Variants in SMG5 observed in about 807,000 individuals in gnomAD.
SMG5 encodes the protein nonsense-mediated mRNA decay factor SMG5.
SMG5 carries 53 observed loss-of-function variants against 122.9 expected under a neutral mutation model. The ratio of observed to expected loss-of-function variants is 0.43; its 90% CI spans 0.35 to 0.54. The LOEUF (loss-of-function observed/expected upper bound fraction) is 0.54, where lower values mean the gene tolerates loss of function less well. Among genes scored for constraint, SMG5 ranks in the 20% least tolerant of loss-of-function variants. SMG5 has a pLI of 0.01. For missense variants in SMG5, 1,153 were observed against 1,285.6 expected, an observed-to-expected ratio of 0.90 and a Z score of 1.58; for synonymous variants, 477 against 490.2, an observed-to-expected ratio of 0.97 and a Z score of 0.35.
intron 12 of SMG5, among the ~76,000 whole-genome samples, chr1:156,265,382 T>C (rs1483603931): frequency 1.3e-5 from 2 of 152,100 alleles, no homozygotes; most frequent in Non-Finnish European, 2.9e-5. Flanking sequence ...GGGTACTCTG[T>C]TTGCAGGGAA....
intron 16 of SMG5, among the ~76,000 whole-genome samples, chr1:156,254,534 C>T (rs978826990): frequency 1.1e-4 from 16 of 152,156 alleles, no homozygotes; most frequent in African/African-American, 3.9e-4. Flanking sequence ...ACCTCTGCCT[C>T]CCGGGCTCAA....
At chr1:156,278,120 G>C in intron 2 of SMG5, 72 bp from the exon 3 acceptor site, 1 of 1,572,106 alleles carries the variant, frequency 6.4e-7, no homozygotes, top group Non-Finnish European at 8.6e-7. Context: ...TGAGGGCAAG[G>C]AGTCATGTGC....
chr1:156,291,301 T>C, the SMG5 span: 1 of 1,296,608 alleles, frequency 7.7e-7, no homozygotes, highest in Non-Finnish European at 1.1e-6. Context: ...GCCTCCCCTA[T>C]CTACTCCCCC....
chr1:156,275,601 T>C (rs1319367397), intron 4 of SMG5, among the ~76,000 whole-genome samples: 3 of 152,230 alleles, frequency 2.0e-5, no homozygotes, highest in African/African-American at 7.2e-5. Flanking sequence ...CTCACTCAGA[T>C]GGGTTGCTTC....
At chr1:156,251,779 C>G (rs578049509) in intron 19 of SMG5, among the ~76,000 whole-genome samples, 16 of 152,326 alleles carry the variant, frequency 1.1e-4, no homozygotes, top group African/African-American at 3.8e-4. Flanking sequence ...AGACCTTGTG[C>G]AGCTTCCTGG....
At chr1:156,286,109 C>T, upstream of SMG5, 1 of 1,420,998 alleles carries the variant, frequency 7.0e-7, no homozygotes, top group Non-Finnish European at 9.6e-7. Context: ...CCACCCCCTG[C>T]CAGTCTGCAT....
In SMG5 at chr1:156,259,165, TGTGGGGAGATA is replaced by T; in HGVS notation, c.2284-13_2284-3del. 6.4e-7 allele frequency: 1 copy of T among 1,565,926 alleles called. No individual in the cohort carries two copies. Among genetic ancestry groups the T allele is most frequent in the Admixed American group, 1.8e-5 (1 of 54,666 alleles). ...GATGCAGCAGATGCGCACCACTGAC[TGTGGGGAGATA>T]CAGGAGCCCAGCGCTGCTGAGCAGG... On this transcript the variant is annotated splice_region_variant and splice_polypyrimidine_tract_variant and intron_variant, in intron 15 of 21. Coordinates refer to ENST00000361813, the MANE Select transcript of SMG5 (RefSeq NM_015327.3).
intron 14 of SMG5, among the ~76,000 whole-genome samples, chr1:156,260,895 G>C (rs1661794643): frequency 6.6e-6 from 1 of 152,244 alleles, no homozygotes; most frequent in Non-Finnish European, 1.5e-5. Context: ...GGATGGAAAT[G>C]AGAGGAGGCG....
chr1:156,289,408 A>G, the SMG5 span, among the ~76,000 whole-genome samples: 1 of 152,196 alleles, frequency 6.6e-6, no homozygotes, highest in African/African-American at 2.4e-5. Context: ...GGAGATCGAG[A>G]CCATCCTGGC....
intron 18 of SMG5, among the ~76,000 whole-genome samples, 175 bp downstream of exon 18, chr1:156,252,744 G>A (rs1460607453): frequency 2.0e-5 from 3 of 152,204 alleles, no homozygotes; most frequent in African/African-American, 7.2e-5. Context: ...CAACTGTCTT[G>A]TAAGGCAGAA....
At chr1:156,283,279 C>T (rs1176287398), upstream of SMG5, among the ~76,000 whole-genome samples, 1 of 152,214 alleles carries the variant, frequency 6.6e-6, no homozygotes, top group East Asian at 1.9e-4. Flanking sequence ...AGGAGTAAAG[C>T]CCCGGAAGAA....
In SMG5 at chr1:156,252,916, T is replaced by TA. The variant is rs1661415120; in HGVS notation, c.2662+2dup. 1 of 1,597,194 alleles carries TA rather than the reference T, an allele frequency of 6.3e-7. No homozygotes were observed. Among genetic ancestry groups the TA allele is most frequent in the African/African-American group, 1.3e-5 (1 of 74,692 alleles). ...TGTCTCCTTACCTCTCCAATGTACT[T>TA]ACCTGTCCTTGGGATGATGACAATG... On this transcript the variant is annotated splice_region_variant and intron_variant, in intron 18 of 21. Transcript: ENST00000361813.
chr1:156,258,974 G>A, intron 16 of SMG5, 31 bp downstream of exon 16: 1 of 1,612,554 alleles, frequency 6.2e-7, no homozygotes, highest in Admixed American at 1.7e-5. Context: ...AATGGGAGCA[G>A]AGCTGACGGG....
In SMG5 at chr1:156,265,799, C is replaced by T. The variant is rs531430762; in HGVS notation, c.1837G>A (p.Asp613Asn). ...CAAATACCTGGCTCTGAAGGCTTGT[C>T]TACATCCCCATTGACGCAAGGCCTG... ...SHRPCVNGDV[D>N]KPSEPASEEG... Residue 613 changes from aspartate to asparagine, a missense_variant, in exon 12 of 22, where the codon GAC (aspartate) becomes AAC (asparagine). Around this residue, in one of 5 missense-constraint regions of SMG5, gnomAD observed 631 missense variants for 650.6 expected, o/e 0.97. Transcript: ENST00000361813. 4.6e-5 allele frequency: 75 copies of T among 1,613,882 alleles called. No homozygotes were observed. Among genetic ancestry groups the T allele is most frequent in the Non-Finnish European group, 6.1e-5 (72 of 1,179,864 alleles).
rs1228343974 is a variant in SMG5 at position 156,277,207 on chromosome 1, T to C, written c.332A>G (p.Tyr111Cys). The change falls in exon 4 of 22, where the codon TAC (tyrosine) becomes TGC (cysteine). Residue 111 changes from tyrosine (Y) to cysteine (C), a missense_variant. Physicochemically the swap from Tyr to Cys is radical, Grantham distance 194. Around this residue, in one of 5 missense-constraint regions of SMG5, gnomAD observed 213 missense variants for 197.5 expected, o/e 1.08. Coordinates refer to ENST00000361813, the MANE Select transcript of SMG5 (RefSeq NM_015327.3). ...IHSRSTLECA[Y>C]RTHLVAGIGF... ...AATACCAGCAACCAGGTGCGTCCTG[T>C]AGGCACATTCCAAAGTGCTCCGGCT... The C allele has an allele frequency of 6.2e-7, 1 of 1,613,810 alleles. No individual in the cohort carries two copies. Among genetic ancestry groups the C allele is most frequent in the Non-Finnish European group, 8.5e-7 (1 of 1,179,962 alleles).
At chr1:156,276,791 A>C (rs929762129) in intron 4 of SMG5, among the ~76,000 whole-genome samples, 1 of 152,246 alleles carries the variant, frequency 6.6e-6, no homozygotes, top group African/African-American at 2.4e-5. Context: ...GCCAAATTCA[A>C]CTGGGAGAAG....
intron 5 of SMG5, among the ~76,000 whole-genome samples, chr1:156,273,718 C>CTTTTTT (rs748042052): frequency 8.6e-6 from 1 of 116,344 alleles, no homozygotes; most frequent in Non-Finnish European, 1.7e-5. Context: ...GTTTTGTTTT[C>CTTTTTT]TTTTTTTTTT....
rs751561748 is a variant in SMG5 at position 156,250,594 on chromosome 1, A to G, written c.3044T>C (p.Ile1015Thr). ...VLDFYKQWKE[I>T]G Reference sequence around the variant, plus strand: ...AGGGCCTGGGGGTCAGTATCAACCAATTTCCTTCCACTGCTTGTAGAAGTC... The same window carrying G: ...AGGGCCTGGGGGTCAGTATCAACCAGTTTCCTTCCACTGCTTGTAGAAGTC... The change falls in exon 22 of 22, where the codon ATT (isoleucine) becomes ACT (threonine). Residue 1015 changes from isoleucine to threonine, a missense_variant. Coordinates refer to ENST00000361813, the MANE Select transcript of SMG5 (RefSeq NM_015327.3). 8 of 1,613,902 alleles carry G rather than the reference A, an allele frequency of 5.0e-6. No individual in the cohort carries two copies. In the Admixed American group the frequency reaches 8.3e-5, roughly 17 times the overall value.
chr1:156,282,041 C>T (rs1176975684), intron 1 of SMG5, among the ~76,000 whole-genome samples: 2 of 152,172 alleles, frequency 1.3e-5, no homozygotes, highest in Non-Finnish European at 2.9e-5. Flanking sequence ...CGTTCGTGAC[C>T]CTTCCAGGCC....
Sources: allele counts gnomAD v4.1 joint callset (sites outside exome capture counted in the v4.1 genomes callset), GRCh38; gene constraint gnomAD v4.1.1; regional missense constraint gnomAD v4.1.1; transcripts MANE v1.5; gene names NCBI Gene and HGNC (gene_info 2026-07-23, HGNC 2026-07-21).